EEF1AKMT2: variants seen among roughly 807,000 people sequenced by gnomAD.
EEF1AKMT2 encodes EEF1A lysine methyltransferase 2, also known as eukaryotic translation elongation factor 1 alpha lysine methyltransferase 2.
A neutral mutation model predicts 35.8 loss-of-function variants in EEF1AKMT2; 32 were observed. The ratio of observed to expected loss-of-function variants is 0.89; its 90% CI spans 0.67 to 1.20. EEF1AKMT2 has a LOEUF of 1.20. Among genes scored for constraint, EEF1AKMT2 ranks in the 50% most tolerant of loss-of-function variants. The pLI, the probability that EEF1AKMT2 is intolerant of heterozygous loss-of-function variation, is 0.00. For missense variants in EEF1AKMT2, 330 were observed against 347.5 expected, an observed-to-expected ratio of 0.95 and a Z score of 0.40; for synonymous variants, 121 against 133.7, an observed-to-expected ratio of 0.91 and a Z score of 0.65.
At chr10:124,773,598 G>A (rs1950458250) in intron 4 of EEF1AKMT2, among the ~76,000 whole-genome samples, 1 of 152,114 alleles carries the variant, frequency 6.6e-6, no homozygotes, top group Non-Finnish European at 1.5e-5. Flanking sequence ...GGAGGCTTGA[G>A]GAGGAGGGAG....
downstream of EEF1AKMT2, among the ~76,000 whole-genome samples, chr10:124,757,166 C>CACACACACACACACA (rs1950292934): frequency 7.0e-6 from 1 of 143,174 alleles, no homozygotes; most frequent in Admixed American, 7.0e-5. Flanking sequence ...ACACTCCCTC[C>CACACACACACACACA]CACACACACA....
intron 3 of EEF1AKMT2, among the ~76,000 whole-genome samples, chr10:124,781,106 C>G (rs879650195): frequency 1.3e-5 from 2 of 151,862 alleles, no homozygotes; most frequent in African/African-American, 4.8e-5. Context: ...CCACCACGCC[C>G]GGCTAATTTT....
At position 124,759,999 on chromosome 10, in the gene EEF1AKMT2, C is replaced by T. The variant is rs191651591; in HGVS notation, c.*504G>A. 86 of 169,270 alleles carry T rather than the reference C, an allele frequency of 5.1e-4. No homozygotes were observed. The highest frequency in any genetic ancestry group is 2.0e-3 in the African/African-American group (85 of 42,332). The allele number at this position is 169,270 out of a possible 1,614,324, so 10.5% of individuals were successfully genotyped here. On this transcript the variant is annotated 3_prime_UTR_variant, in exon 7 of 7. Transcript: ENST00000368836. The stretch of plus-strand genomic sequence containing the variant: ...CATAAACAGTCTAACAAAACACTAA[C>T]AAAGTTATTTTGCTTATTATTCTGA...
rs1414544581 is a variant in EEF1AKMT2 at position 124,788,710 on chromosome 10, T to TTTTATATATATATATATATA, written c.291+332_291+333insTATATATATATATATATAAA. Among the ~76,000 whole-genome samples the TTTTATATATATATATATATA allele has an allele frequency of 1.6e-3, 147 of 92,564 alleles. 8 individuals are homozygous for TTTTATATATATATATATATA. The highest frequency in any genetic ancestry group is 4.6e-3 in the African/African-American group (137 of 29,714). The allele number at this position is 92,564 out of a possible 152,430, so 60.7% of individuals were successfully genotyped here. A position where few individuals can be genotyped will look rare whatever the true frequency, so the allele number is the denominator to read the frequency against. On this transcript the variant is annotated intron_variant, in intron 3 of 6. Transcript: ENST00000368836. ...CTACTGGAATTGCAAAAGGTCATCTTTATATATATATATATATATGCATTT... is the reference window on the plus strand; with the variant it reads ...CTACTGGAATTGCAAAAGGTCATCTTTTTATATATATATATATATATATATATATATATATATATGCATTT...
rs537919687 is a variant in EEF1AKMT2, at chr10:124,762,506, A to C, written c.669T>G (p.Ala223=). 7.8e-7 allele frequency: 1 copy of C among 1,286,838 alleles called. No individual in the cohort carries two copies. Among genetic ancestry groups the C allele is most frequent in the East Asian group, 5.6e-5 (1 of 17,820 alleles). 79.7% of individuals were successfully genotyped at this position (1,286,838 alleles called of 1,614,324 possible). A position where few individuals can be genotyped will look rare whatever the true frequency, so the allele number is the denominator to read the frequency against. ...FWLTAALTSW[A]QAIFSTSASR... Reference sequence around the variant, plus strand: ...AGGCTGAAGTGGAAAAGATCGCTTGAGCCCAGGAAGTCAAGGCTGCAGTGA... The same window carrying C: ...AGGCTGAAGTGGAAAAGATCGCTTGCGCCCAGGAAGTCAAGGCTGCAGTGA... Residue 223 remains alanine, a synonymous_variant, in exon 6 of 7, where the codon GCT becomes GCG. Coordinates refer to ENST00000368836, the MANE Select transcript of EEF1AKMT2 (RefSeq NM_212554.4).
chr10:124,775,664 T>C (rs1003618294), intron 3 of EEF1AKMT2, among the ~76,000 whole-genome samples: 8 of 152,170 alleles, frequency 5.3e-5, no homozygotes, highest in Non-Finnish European at 8.8e-5. Flanking sequence ...ACCTACCAAG[T>C]CTTTTTAACC....
Position 124,791,704 on chromosome 10 carries a change from C to A in EEF1AKMT2, c.110+20G>T. The A allele has an allele frequency of 1.9e-6, 3 of 1,565,824 alleles. No homozygotes were observed. Among genetic ancestry groups the A allele is most frequent in the East Asian group, 2.4e-5 (1 of 42,450 alleles). On this transcript the variant is annotated intron_variant, in intron 1 of 6. Coordinates refer to ENST00000368836, the MANE Select transcript of EEF1AKMT2 (RefSeq NM_212554.4). ...GCAGGGCGGCACGGCTCATCCTCCC[C>A]TGCCCAGCGTCACACTCACTGCTCG...
rs1297696980 is a variant in EEF1AKMT2 at position 124,762,352 on chromosome 10, AG to A, written c.822del (p.Trp275GlyfsTer49). 5.6e-6 allele frequency: 7 copies of A among 1,256,558 alleles called. No homozygotes were observed. Among genetic ancestry groups the A allele is most frequent in the Non-Finnish European group, 7.3e-6 (7 of 954,692 alleles). 77.8% of individuals were successfully genotyped at this position (1,256,558 alleles called of 1,614,324 possible). On this transcript the variant is annotated frameshift_variant, in exon 6 of 7. Coordinates refer to ENST00000368836, the MANE Select transcript of EEF1AKMT2 (RefSeq NM_212554.4). LOFTEE classifies it high-confidence loss of function. ...LELLGSSDSP[T>X]WPPKVLGLYH... ...TATAATCCCAGCACTTTGGGAGGCCAGGTGGGAGAATCACTTGAGCCCAGGA... is the reference window on the plus strand; with the variant it reads ...TATAATCCCAGCACTTTGGGAGGCCAGTGGGAGAATCACTTGAGCCCAGGA...
chr10:124,762,733 T>G (rs542436243), intron 5 of EEF1AKMT2, among the ~76,000 whole-genome samples, 175 bp from the exon 6 acceptor site: 25 of 152,332 alleles, frequency 1.6e-4, no homozygotes, highest in African/African-American at 5.1e-4. Flanking sequence ...GTAAGAAAAC[T>G]TTTCCAAATT....
At chr10:124,787,987 C>T (rs1364190009) in intron 3 of EEF1AKMT2, among the ~76,000 whole-genome samples, 1 of 152,184 alleles carries the variant, frequency 6.6e-6, no homozygotes, top group Non-Finnish European at 1.5e-5. Flanking sequence ...AACAATTCCC[C>T]ATAGCCTAAA....
intron 3 of EEF1AKMT2, among the ~76,000 whole-genome samples, chr10:124,783,137 C>CT (rs34632746): frequency 0.017 from 1,452 of 84,970 alleles, 25 homozygotes; most frequent in South Asian, 0.028. Flanking sequence ...AGGGAAAAAC[C>CT]TTTTTTTTTT....
chr10:124,763,401 G>A (rs1950349338), intron 5 of EEF1AKMT2, among the ~76,000 whole-genome samples: 1 of 152,176 alleles, frequency 6.6e-6, no homozygotes, highest in Non-Finnish European at 1.5e-5. Context: ...GGTGAAACAA[G>A]CTTTATTTTA....
rs765334989 is a variant in EEF1AKMT2 at position 124,760,375 on chromosome 10, T to C, written c.*128A>G. The C allele has an allele frequency of 3.4e-6, 5 of 1,456,062 alleles. No individual in the cohort carries two copies. Among genetic ancestry groups the C allele is most frequent in the Admixed American group, 3.5e-5 (2 of 57,954 alleles). 90.2% of individuals were successfully genotyped at this position (1,456,062 alleles called of 1,614,324 possible). ...CAGGTTAACTTTGCTGTGTAGATTCTGTGTAGCTACCTGAATTCGTCCAAG... is the reference window on the plus strand; with the variant it reads ...CAGGTTAACTTTGCTGTGTAGATTCCGTGTAGCTACCTGAATTCGTCCAAG... On this transcript the variant is annotated 3_prime_UTR_variant, in exon 7 of 7. Coordinates refer to ENST00000368836, the MANE Select transcript of EEF1AKMT2 (RefSeq NM_212554.4).
intron 3 of EEF1AKMT2, among the ~76,000 whole-genome samples, chr10:124,782,308 T>G (rs994295692): frequency 3.4e-5 from 5 of 147,314 alleles, no homozygotes; most frequent in Admixed American, 6.7e-5. Flanking sequence ...ACCGGCCGGG[T>G]GCGGTGGCTC....
At chr10:124,788,728 A>ATATATATATG (rs1347942792) in intron 3 of EEF1AKMT2, among the ~76,000 whole-genome samples, 6 of 142,322 alleles carry the variant, frequency 4.2e-5, no homozygotes, top group African/African-American at 1.5e-4. Flanking sequence ...ATATATATAT[A>ATATATATATG]TGCATTTCTA....
At chr10:124,757,166 C>CCCCACACA (rs1554915180), downstream of EEF1AKMT2, among the ~76,000 whole-genome samples, 1 of 143,174 alleles carries the variant, frequency 7.0e-6, no homozygotes, top group Non-Finnish European at 1.5e-5. Context: ...ACACTCCCTC[C>CCCCACACA]CACACACACA....
intron 3 of EEF1AKMT2, among the ~76,000 whole-genome samples, chr10:124,781,165 C>T (rs370985784): frequency 1.1e-4 from 17 of 151,798 alleles, no homozygotes; most frequent in African/African-American, 4.1e-4. Flanking sequence ...AGGATGGTCT[C>T]GATCTCCCGA....
intron 4 of EEF1AKMT2, among the ~76,000 whole-genome samples, chr10:124,767,171 A>C (rs1157072795): frequency 2.7e-5 from 4 of 147,624 alleles, no homozygotes; most frequent in South Asian, 4.3e-4. Flanking sequence ...AAAAAAAAAA[A>C]AAAAAAAAAA....
intron 1 of EEF1AKMT2, 96 bp downstream of exon 1, chr10:124,791,628 C>T (rs990511500): frequency 1.3e-6 from 2 of 1,510,174 alleles, no homozygotes; most frequent in Admixed American, 2.0e-5. Flanking sequence ...GAGGGTCTCC[C>T]TGTCCCTGAG....
Sources: allele counts gnomAD v4.1 joint callset (sites outside exome capture counted in the v4.1 genomes callset), GRCh38; gene constraint gnomAD v4.1.1; transcripts MANE v1.5; gene names NCBI Gene and HGNC (gene_info 2026-07-23, HGNC 2026-07-21).